The following GMDS variants were observed in gnomAD, a reference collection of about 807,000 sequenced individuals.
The protein encoded by GMDS is GDP-mannose 4,6 dehydratase.
GMDS carries 20 observed loss-of-function variants against 49.9 expected under a neutral mutation model. The ratio of observed to expected loss-of-function variants is 0.40; its 90% CI spans 0.28 to 0.58. The LOEUF (loss-of-function observed/expected upper bound fraction) is 0.58. GMDS is among the 20% of genes least tolerant of loss of function. The pLI is 0.42. For synonymous variants in GMDS, 177 were observed against 178.6 expected (o/e 0.99, Z 0.07); for missense variants, 362 against 481.4 (o/e 0.75, Z 2.32).
intron 1 of GMDS, among the ~76,000 whole-genome samples, chr6:2,243,375 C>G (rs190666737): frequency 6.6e-6 from 1 of 152,330 alleles, no homozygotes; most frequent in African/African-American, 2.4e-5. Context: ...CTGATTCATA[C>G]TGCTGGTCGT....
At chr6:2,130,480 C>A (rs1055009199) in intron 1 of GMDS, among the ~76,000 whole-genome samples, 1 of 152,240 alleles carries the variant, frequency 6.6e-6, no homozygotes, top group Non-Finnish European at 1.5e-5. Flanking sequence ...CCCCTTCCCT[C>A]CTTTCAAGGG....
At chr6:2,160,539 A>G (rs1777343472) in intron 1 of GMDS, among the ~76,000 whole-genome samples, 1 of 152,194 alleles carries the variant, frequency 6.6e-6, no homozygotes, top group African/African-American at 2.4e-5. Flanking sequence ...TTCAATTGTC[A>G]TGGTTGTTAT....
intron 1 of GMDS, among the ~76,000 whole-genome samples, chr6:2,151,763 C>T (rs1776856058): frequency 6.6e-6 from 1 of 152,092 alleles, no homozygotes. Context: ...GAATTTAAGA[C>T]ATCTGTGTAC....
chr6:1,989,403 A>G (rs1765781978), intron 4 of GMDS, among the ~76,000 whole-genome samples: 1 of 152,122 alleles, frequency 6.6e-6, no homozygotes, highest in Non-Finnish European at 1.5e-5. Context: ...AGAGAGAGAT[A>G]AAGAGTTTGC....
At chr6:2,039,522 T>C (rs1364899169) in intron 4 of GMDS, among the ~76,000 whole-genome samples, 1 of 152,178 alleles carries the variant, frequency 6.6e-6, no homozygotes. Flanking sequence ...ACTATACAGT[T>C]AAACAAAAAA....
chr6:2,120,600 C>T (rs1206650157), intron 2 of GMDS, among the ~76,000 whole-genome samples: 1 of 152,076 alleles, frequency 6.6e-6, no homozygotes, highest in Admixed American at 6.5e-5. Context: ...TTCATATAGT[C>T]CCAGATTTTA....
At chr6:2,114,437 T>A (rs1381724229) in intron 4 of GMDS, among the ~76,000 whole-genome samples, 1 of 152,132 alleles carries the variant, frequency 6.6e-6, no homozygotes, top group Non-Finnish European at 1.5e-5. Context: ...CGCTTCTCTA[T>A]AGGAAAGAAG....
intron 7 of GMDS, among the ~76,000 whole-genome samples, chr6:1,811,555 C>CTTTTTT (rs67339222): frequency 8.4e-6 from 1 of 119,064 alleles, no homozygotes; most frequent in African/African-American, 3.1e-5. Context: ...ACTAGTCAAG[C>CTTTTTT]TTTTTTTTTT....
intron 9 of GMDS, among the ~76,000 whole-genome samples, chr6:1,692,635 C>T (rs370766557): frequency 2.0e-5 from 3 of 152,116 alleles, no homozygotes; most frequent in South Asian, 2.1e-4. Flanking sequence ...CCTATTGCTA[C>T]GTCTTCAAGT....
intron 4 of GMDS, among the ~76,000 whole-genome samples, chr6:2,113,256 C>G (rs1295508423): frequency 6.6e-6 from 1 of 152,082 alleles, no homozygotes; most frequent in African/African-American, 2.4e-5. Context: ...ATAGAGAAAT[C>G]AGCCCCACCT....
chr6:1,733,971 G>A (rs1010098488), intron 8 of GMDS, among the ~76,000 whole-genome samples: 3 of 152,334 alleles, frequency 2.0e-5, no homozygotes, highest in African/African-American at 4.8e-5. Flanking sequence ...AAGGGGCATC[G>A]GGGCGACCTG....
At position 2,090,269 on chromosome 6, in the gene GMDS, T is replaced by A. The variant is rs566649453; in HGVS notation, c.345+25502A>T. On this transcript the variant is annotated intron_variant, in intron 4 of 10. Coordinates refer to ENST00000380815, the MANE Select transcript of GMDS (RefSeq NM_001500.4). ...AATCTCTACACAAAAAGTGTTGTGG[T>A]CAGCCATGGAAATACCTGGTCCCAA... 4.6e-5 allele frequency among the ~76,000 whole-genome samples: 7 copies of A among 152,356 alleles called. No individual in the cohort carries two copies. The South Asian group carries it at 1.5e-3, about 32-fold the overall frequency.
intron 7 of GMDS, among the ~76,000 whole-genome samples, chr6:1,841,955 A>G (rs2113748224): frequency 6.6e-6 from 1 of 152,208 alleles, no homozygotes; most frequent in Non-Finnish European, 1.5e-5. Flanking sequence ...GACCTTCCTC[A>G]TATCTTCTCT....
intron 9 of GMDS, 131 bp from the exon 10 acceptor site, chr6:1,624,671 T>G: frequency 1.5e-6 from 1 of 658,556 alleles, no homozygotes; most frequent in Non-Finnish European, 2.7e-6. Context: ...CTGCTTTCGG[T>G]CCCTGCTGTG....
At chr6:1,719,209 GCAGTTAATGA>G (rs1268352279) in intron 9 of GMDS, among the ~76,000 whole-genome samples, 1 of 152,112 alleles carries the variant, frequency 6.6e-6, no homozygotes, top group Non-Finnish European at 1.5e-5. Context: ...TATCACCTTG[GCAGTTAATGA>G]CAAAAGGAGC....
intron 4 of GMDS, among the ~76,000 whole-genome samples, chr6:2,009,930 C>G (rs1034393289): frequency 6.6e-5 from 10 of 152,122 alleles, no homozygotes; most frequent in African/African-American, 1.7e-4. Flanking sequence ...AAGAAAAATA[C>G]TTGAAGATAT....
intron 1 of GMDS, among the ~76,000 whole-genome samples, chr6:2,155,048 C>G (rs1288087334): frequency 6.6e-6 from 1 of 151,858 alleles, no homozygotes; most frequent in East Asian, 1.9e-4. Flanking sequence ...TTTTTCAACC[C>G]ATAAGACATG....
intron 7 of GMDS, among the ~76,000 whole-genome samples, chr6:1,784,580 A>G (rs778780858): frequency 1.3e-5 from 2 of 152,104 alleles, no homozygotes; most frequent in African/African-American, 2.4e-5. Flanking sequence ...GCTGAGAGGG[A>G]TAAAACAAAT....
chr6:1,931,724 A>C (rs754000004), intron 6 of GMDS, among the ~76,000 whole-genome samples: 1 of 152,254 alleles, frequency 6.6e-6, no homozygotes, highest in Non-Finnish European at 1.5e-5. Context: ...AAAGTATACT[A>C]AGAAACCAAT....
Sources: gnomAD v4.1 joint callset for allele counts (sites outside exome capture counted in the v4.1 genomes callset) on GRCh38, gnomAD v4.1.1 for gene constraint, MANE v1.5 for transcripts, NCBI Gene and HGNC (gene_info 2026-07-23, HGNC 2026-07-21) for gene names.